The following TAFA2 variants were observed in gnomAD, a reference collection of about 807,000 sequenced individuals.
TAFA2 encodes chemokine-like protein TAFA-2.
A neutral mutation model predicts 18.8 loss-of-function variants in TAFA2; 7 were observed. The observed-to-expected ratio is 0.37, with a 90% CI of 0.21 to 0.70. TAFA2 has a LOEUF of 0.70. TAFA2 is among the 30% of genes least tolerant of loss of function. The pLI, the probability that TAFA2 is intolerant of heterozygous loss-of-function variation, is 0.53. For missense variants in TAFA2, 122 were observed against 158.1 expected (o/e 0.77, Z 1.23); for synonymous variants, 60 against 54.2 (o/e 1.11, Z -0.47).
chr12:62,247,684 C>A (rs1384926016), intron 1 of TAFA2, among the ~76,000 whole-genome samples: 2 of 152,140 alleles, frequency 1.3e-5, no homozygotes, highest in Non-Finnish European at 2.9e-5. Context: ...ACCAGGCCAA[C>A]TAGAAGATCC....
chr12:61,779,644 G>C (rs1033366873), intron 2 of TAFA2, among the ~76,000 whole-genome samples: 2 of 151,758 alleles, frequency 1.3e-5, no homozygotes, highest in African/African-American at 4.8e-5. Flanking sequence ...CTCCTAGTGG[G>C]GATAAATCAT....
chr12:61,715,171 A>G (rs181350337), intron 4 of TAFA2, among the ~76,000 whole-genome samples: 6 of 152,144 alleles, frequency 3.9e-5, no homozygotes, highest in Admixed American at 3.3e-4. Flanking sequence ...ATTACTTCTT[A>G]TTTCTCTAAA....
intron 1 of TAFA2, among the ~76,000 whole-genome samples, chr12:62,167,527 C>T (rs758471695): frequency 2.6e-5 from 4 of 152,086 alleles, no homozygotes; most frequent in East Asian, 1.9e-4. Flanking sequence ...GGATTTCAAG[C>T]GTGGAAGAAG....
At position 61,723,488 on chromosome 12, in the gene TAFA2, G is replaced by C. The variant is rs1870000164; in HGVS notation, c.385-13071C>G. ...TTTGGATTCTCTGTAAACAGCAAGG[G>C]GGGTGATTAGGTGACCCAAAGGGTC... On this transcript the variant is annotated intron_variant, in intron 4 of 4. Transcript: ENST00000416284. 1.3e-5 allele frequency among the ~76,000 whole-genome samples: 2 copies of C among 152,072 alleles called. 1 individual carries two copies. Among genetic ancestry groups the C allele is most frequent in the Admixed American group, 1.3e-4 (2 of 15,250 alleles).
At chr12:61,931,049 C>A (rs537953080) in intron 1 of TAFA2, among the ~76,000 whole-genome samples, 1 of 152,318 alleles carries the variant, frequency 6.6e-6, no homozygotes, top group Admixed American at 6.5e-5. Flanking sequence ...CCTTATATGA[C>A]ATGCCATATA....
intron 1 of TAFA2, among the ~76,000 whole-genome samples, chr12:61,984,316 A>AT (rs1452776206): frequency 1.3e-5 from 2 of 152,238 alleles, no homozygotes; most frequent in African/African-American, 4.8e-5. Flanking sequence ...TGGGGCTTAC[A>AT]TTCATGCAAG....
intron 2 of TAFA2, among the ~76,000 whole-genome samples, chr12:61,798,244 A>G (rs1871267871): frequency 1.3e-5 from 2 of 152,292 alleles, no homozygotes; most frequent in South Asian, 2.1e-4. Flanking sequence ...CTATAATTAC[A>G]AAATCATTTC....
At chr12:61,747,048 G>T (rs1868747441) in intron 4 of TAFA2, among the ~76,000 whole-genome samples, 1 of 152,056 alleles carries the variant, frequency 6.6e-6, no homozygotes, top group African/African-American at 2.4e-5. Flanking sequence ...CCATCAAAAA[G>T]TGGGCAAAGG....
chr12:61,856,520 C>T (rs1490256238), intron 2 of TAFA2, among the ~76,000 whole-genome samples: 2 of 151,928 alleles, frequency 1.3e-5, no homozygotes, highest in East Asian at 3.9e-4. Context: ...GGCACTCATT[C>T]TCTGCTAATG....
intron 1 of TAFA2, among the ~76,000 whole-genome samples, chr12:62,163,132 G>A (rs1454000107): frequency 1.3e-5 from 2 of 152,016 alleles, no homozygotes; most frequent in Admixed American, 6.6e-5. Flanking sequence ...CCAAATGCCA[G>A]GATAAAGACT....
intron 4 of TAFA2, among the ~76,000 whole-genome samples, chr12:61,738,982 T>C (rs1213477180): frequency 6.6e-6 from 1 of 152,088 alleles, no homozygotes; most frequent in Non-Finnish European, 1.5e-5. Flanking sequence ...ACAACTTGCT[T>C]ATCTGTTTTA....
chr12:61,854,675 A>G (rs1191865316), intron 2 of TAFA2, among the ~76,000 whole-genome samples: 8 of 152,164 alleles, frequency 5.3e-5, no homozygotes, highest in Admixed American at 1.3e-4. Flanking sequence ...TGAGAAAATA[A>G]TGGAGAAATA....
chr12:61,794,225 T>C (rs552203689), intron 2 of TAFA2, among the ~76,000 whole-genome samples: 1 of 152,156 alleles, frequency 6.6e-6, no homozygotes, highest in South Asian at 2.1e-4. Context: ...TAAAGAATTA[T>C]TTCTTTTTAT....
At chr12:62,183,252 T>C (rs952080746) in intron 1 of TAFA2, among the ~76,000 whole-genome samples, 3 of 152,146 alleles carry the variant, frequency 2.0e-5, no homozygotes, top group African/African-American at 7.2e-5. Flanking sequence ...AGATGGTGGG[T>C]GTCTACAAGC....
chr12:61,823,199 G>T lies in TAFA2; in HGVS notation c.106+44121C>A, dbSNP rs183738211. ...TCTGTTTTCTTTTTTTTGAAATAGG[G>T]TCTCACTCTGTTGTCCAGGCTGGAG... is the stretch of plus-strand genomic sequence containing the variant. On this transcript the variant is annotated intron_variant, in intron 2 of 4. Transcript: ENST00000416284. Among the ~76,000 whole-genome samples the T allele has an allele frequency of 8.0e-4, 122 of 151,648 alleles. 1 individual carries two copies. The highest frequency in any genetic ancestry group is 2.6e-3 in the African/African-American group (106 of 41,338).
intron 1 of TAFA2, among the ~76,000 whole-genome samples, chr12:62,028,682 G>A (rs768789207): frequency 9.9e-5 from 15 of 152,140 alleles, no homozygotes; most frequent in Non-Finnish European, 1.9e-4. Flanking sequence ...CACAGCAGAA[G>A]GCTCTCAAAG....
At chr12:62,042,676 G>A (rs910183012) in intron 1 of TAFA2, among the ~76,000 whole-genome samples, 4 of 152,070 alleles carry the variant, frequency 2.6e-5, no homozygotes, top group Non-Finnish European at 4.4e-5. Flanking sequence ...ACTCCATGAT[G>A]AGCCTATATT....
At chr12:61,873,704 T>C (rs1199073474) in intron 1 of TAFA2, among the ~76,000 whole-genome samples, 1 of 152,146 alleles carries the variant, frequency 6.6e-6, no homozygotes, top group Non-Finnish European at 1.5e-5. Context: ...ACCTACTAAA[T>C]AGGGCATCGA....
At chr12:62,234,656 G>A in intron 1 of TAFA2, 1 of 889,286 alleles carries the variant, frequency 1.1e-6, no homozygotes, top group South Asian at 1.4e-5. Context: ...CAAGGTAGGA[G>A]CGTTTGGTAT....
Sources: allele counts gnomAD v4.1 joint callset (sites outside exome capture counted in the v4.1 genomes callset), GRCh38; gene constraint gnomAD v4.1.1; transcripts MANE v1.5; gene names NCBI Gene and HGNC (gene_info 2026-07-23, HGNC 2026-07-21).